DYNC2I1: variants seen among roughly 807,000 people sequenced by gnomAD.
DYNC2I1 encodes the protein dynein 2 intermediate chain 1, also known as cytoplasmic dynein 2 intermediate chain 1.
A neutral mutation model predicts 133.4 loss-of-function variants in DYNC2I1; 89 were observed. The observed-to-expected ratio is 0.67, with a 90% confidence interval of 0.56 to 0.80. DYNC2I1 has a LOEUF of 0.80. Ranked by LOEUF, DYNC2I1 falls within the 30% of genes least tolerant of loss-of-function variation. DYNC2I1 has a pLI of 0.00. For missense variants in DYNC2I1, 1,291 were observed against 1,314.5 expected (o/e 0.98, Z 0.28); for synonymous variants, 504 against 484.3 (o/e 1.04, Z -0.54).
chr7:158,874,516 A>T (rs766687631), intron 3 of DYNC2I1, among the ~76,000 whole-genome samples: 7 of 152,098 alleles, frequency 4.6e-5, no homozygotes, highest in Non-Finnish European at 1.0e-4. Flanking sequence ...TCATTTTTTC[A>T]GTGTGGTGTT....
At chr7:158,849,611 G>T in the DYNC2I1 span, among the ~76,000 whole-genome samples, 1 of 152,228 alleles carries the variant, frequency 6.6e-6, no homozygotes. Flanking sequence ...GGAGTCTTTA[G>T]TTCTCACAGC....
At chr7:158,879,452 T>C (rs1226218141) in intron 4 of DYNC2I1, among the ~76,000 whole-genome samples, 2 of 152,182 alleles carry the variant, frequency 1.3e-5, no homozygotes, top group Non-Finnish European at 2.9e-5. Flanking sequence ...AAATCGTCTC[T>C]ATATTACTTA....
chr7:158,850,618 G>A, the DYNC2I1 span, among the ~76,000 whole-genome samples: 11 of 152,300 alleles, frequency 7.2e-5, no homozygotes, highest in South Asian at 2.1e-4. Context: ...AATGTTGCTC[G>A]GGACAAATCC....
At chr7:158,892,221 C>T (rs1845297884) in intron 8 of DYNC2I1, among the ~76,000 whole-genome samples, 1 of 152,158 alleles carries the variant, frequency 6.6e-6, no homozygotes, top group South Asian at 2.1e-4. Flanking sequence ...GCCACTGGGT[C>T]TGCTGAGTTG....
intron 7 of DYNC2I1, 123 bp from the exon 8 acceptor site, chr7:158,891,142 T>C (rs1845173564): frequency 2.0e-6 from 2 of 1,012,024 alleles, no homozygotes; most frequent in South Asian, 2.6e-5. Context: ...AGTTTCGTAG[T>C]CTGTGCACCT....
rs1457999084 is a variant in DYNC2I1 at position 158,871,375 on chromosome 7, A to G, written c.303A>G (p.Lys101=). 7 of 1,547,502 alleles carry G rather than the reference A, an allele frequency of 4.5e-6. No individual in the cohort carries two copies. The highest frequency in any genetic ancestry group is 2.4e-5 in the East Asian group (1 of 40,890). The change falls in exon 3 of 25, where the codon AAA becomes AAG. Residue 101 remains lysine (K), a synonymous_variant. Coordinates refer to ENST00000407559, the MANE Select transcript of DYNC2I1 (RefSeq NM_018051.5). ...GAAGAGACGCAAAAGACCGGGAGAA[A>G]GAAAAGCTGAAGGAGAAACATCGAG... The part of the protein sequence containing the change: ...ERRRDAKDRE[K]EKLKEKHREA...
rs1844688238 is a variant in DYNC2I1 at position 158,887,151 on chromosome 7, C to T, written c.990+76C>T. 1.8e-5 allele frequency: 26 copies of T among 1,485,194 alleles called. No individual in the cohort carries two copies. The Admixed American group carries it at 2.1e-4, about 12-fold the overall frequency. The allele number at this position is 1,485,194 out of a possible 1,614,324, so 92.0% of individuals were successfully genotyped here. On this transcript the variant is annotated intron_variant, in intron 7 of 24. Coordinates refer to ENST00000407559, the MANE Select transcript of DYNC2I1 (RefSeq NM_018051.5). ...AACCATAATCTTACTTTGGGCTTCCCCTTGAAACCAGAGGCCGAGACAGGG... is the reference window on the plus strand; with the variant it reads ...AACCATAATCTTACTTTGGGCTTCCTCTTGAAACCAGAGGCCGAGACAGGG...
intron 4 of DYNC2I1, among the ~76,000 whole-genome samples, chr7:158,954,190 G>A (rs1055770400): frequency 2.0e-5 from 3 of 152,092 alleles, no homozygotes; most frequent in African/African-American, 7.2e-5. Flanking sequence ...TGATTGTGAG[G>A]CCTCCCCAGC....
Position 158,856,603 on chromosome 7 carries a change from C to CAG in DYNC2I1, c.-133_-132insAG. 1 of 950,048 alleles carries CAG rather than the reference C, an allele frequency of 1.1e-6. No individual in the cohort carries two copies. 58.9% of individuals were successfully genotyped at this position (950,048 alleles called of 1,614,324 possible). On this transcript the variant is annotated 5_prime_UTR_variant, in exon 1 of 25. Transcript: ENST00000407559. Reference sequence around the variant, plus strand: ...CTGGGCAGTGCTTCTGGGCCCTCTGCTGCTCCTGCTTGTCGGTTGCTAGGC... The same window carrying CAG: ...CTGGGCAGTGCTTCTGGGCCCTCTGCAGTGCTCCTGCTTGTCGGTTGCTAGGC...
chr7:158,911,372 G>C (rs374893281), intron 11 of DYNC2I1, among the ~76,000 whole-genome samples, 178 bp from the exon 12 acceptor site: 46 of 152,222 alleles, frequency 3.0e-4, no homozygotes, highest in African/African-American at 1.1e-3. Flanking sequence ...AGGTTCCCAC[G>C]ACTGTCTACT....
intron 7 of DYNC2I1, among the ~76,000 whole-genome samples, chr7:158,889,757 A>G (rs1221087445): frequency 6.6e-6 from 1 of 152,022 alleles, no homozygotes; most frequent in Non-Finnish European, 1.5e-5. Context: ...TAACCCCAAC[A>G]CTTTGGGAGG....
At chr7:158,866,983 A>G (rs893014032) in intron 1 of DYNC2I1, among the ~76,000 whole-genome samples, 249 of 148,748 alleles carry the variant, frequency 1.7e-3, no homozygotes, top group African/African-American at 5.9e-3. Flanking sequence ...TGGCTTGTCC[A>G]TGAAAAGTTT....
At chr7:158,903,695 G>GTA (rs1846461506) in intron 10 of DYNC2I1, 1 of 152,250 alleles carries the variant, frequency 6.6e-6, no homozygotes, top group Non-Finnish European at 1.5e-5. Context: ...TCCCCGTGGG[G>GTA]TAGCGCTGCA....
chr7:158,887,344 G>C (rs1333537427), intron 7 of DYNC2I1, among the ~76,000 whole-genome samples: 2 of 152,212 alleles, frequency 1.3e-5, no homozygotes, highest in Non-Finnish European at 2.9e-5. Flanking sequence ...AGATAAAACA[G>C]ATTTTGAGAC....
intron 11 of DYNC2I1, among the ~76,000 whole-genome samples, chr7:158,909,986 G>A (rs983907780): frequency 2.6e-5 from 4 of 152,114 alleles, no homozygotes; most frequent in Non-Finnish European, 4.4e-5. Flanking sequence ...GAGCAGACCC[G>A]GTGGCCGAGG....
At chr7:158,851,259 G>A in the DYNC2I1 span, among the ~76,000 whole-genome samples, 5 of 152,060 alleles carry the variant, frequency 3.3e-5, no homozygotes, top group Non-Finnish European at 5.9e-5. Context: ...TTGGCTGGGC[G>A]CAGTGGTTCA....
intron 6 of DYNC2I1, among the ~76,000 whole-genome samples, chr7:158,886,119 A>C (rs1213292416): frequency 6.6e-6 from 1 of 151,372 alleles, no homozygotes; most frequent in East Asian, 1.9e-4. Context: ...AATTATAGAA[A>C]ATTTCTACAA....
intron 13 of DYNC2I1, among the ~76,000 whole-genome samples, chr7:158,913,715 A>T (rs1177104480): frequency 5.9e-5 from 9 of 151,746 alleles, no homozygotes; most frequent in African/African-American, 9.7e-5. Flanking sequence ...TTTGAAAAAA[A>T]ATTTTTTTTT....
At chr7:158,853,495 C>T (rs1030552202), upstream of DYNC2I1, among the ~76,000 whole-genome samples, 1 of 152,160 alleles carries the variant, frequency 6.6e-6, no homozygotes, top group South Asian at 2.1e-4. Context: ...TGAAGTTGAA[C>T]AGTCTTTCGT....
Sources: allele counts gnomAD v4.1 joint callset (sites outside exome capture counted in the v4.1 genomes callset), GRCh38; gene constraint gnomAD v4.1.1; transcripts MANE v1.5; gene names NCBI Gene and HGNC (gene_info 2026-07-23, HGNC 2026-07-21).